NFIX: variants seen among roughly 807,000 people sequenced by gnomAD.
The protein encoded by NFIX is nuclear factor 1 X-type.
NFIX carries 2 observed loss-of-function variants against 53.3 expected under a neutral mutation model. The ratio of observed to expected loss-of-function variants is 0.04; its 90% confidence interval spans 0.02 to 0.12. The LOEUF (loss-of-function observed/expected upper bound fraction) is 0.12, where lower values mean the gene tolerates loss of function less well. Ranked by LOEUF, NFIX falls within the 10% of genes least tolerant of loss-of-function variation. The probability of loss-of-function intolerance (pLI) is 1.00; values close to 1 mark genes in which losing one functional copy is unlikely to be tolerated. For synonymous variants in NFIX, 244 were observed against 289.0 expected, an observed-to-expected ratio of 0.84 and a Z score of 1.58; for missense variants, 310 against 674.5, an observed-to-expected ratio of 0.46 and a Z score of 5.99.
intron 8 of NFIX, among the ~76,000 whole-genome samples, chr19:13,087,338 C>T (rs1310658250): frequency 6.6e-6 from 1 of 152,178 alleles, no homozygotes; most frequent in African/African-American, 2.4e-5. Flanking sequence ...TGAAGAACCT[C>T]ACGGGCACTA....
chr19:13,094,894 C>T lies in NFIX; in HGVS notation c.*245C>T, dbSNP rs2018346808. ...GTGGAGCTGTGCACCAGCAGCCAAG[C>T]AGAAAGAAACACGCGACATGGACTC... On this transcript the variant is annotated 3_prime_UTR_variant, in exon 11 of 11. Transcript: ENST00000592199. The surrounding 1 kb of genome is among the most constrained non-coding windows in gnomAD (Gnocchi z 4.3). 3.8e-6 allele frequency: 2 copies of T among 525,942 alleles called. No homozygotes were observed. Among genetic ancestry groups the T allele is most frequent in the South Asian group, 2.4e-5 (1 of 41,376 alleles). 32.6% of individuals were successfully genotyped at this position (525,942 alleles called of 1,614,324 possible). A position where few individuals can be genotyped will look rare whatever the true frequency, so the allele number is the denominator to read the frequency against.
chr19:13,095,405 A>G lies in NFIX; in HGVS notation c.*756A>G, dbSNP rs1805204690. 1 of 151,900 alleles carries G rather than the reference A, an allele frequency of 6.6e-6. No homozygotes were observed. The highest frequency in any genetic ancestry group is 2.4e-5 in the African/African-American group (1 of 41,312). 9.4% of individuals were successfully genotyped at this position (151,900 alleles called of 1,614,324 possible). Reference sequence around the variant, plus strand: ...CGCAAGAGCAGTCCTGGGGCCCTGGACCCCTCTGTACAGTCCGTAGGAAAA... The same window carrying G: ...CGCAAGAGCAGTCCTGGGGCCCTGGGCCCCTCTGTACAGTCCGTAGGAAAA... On this transcript the variant is annotated 3_prime_UTR_variant, in exon 11 of 11. Transcript: ENST00000592199.
chr19:13,002,963 G>A lies in NFIX; in HGVS notation c.27+7099G>A, dbSNP rs775851669. ...CACCTGAATCTGTGTGAGCCAAGCT[G>A]GAGGAAAGGACAGCATGGAGGTGCA... On this transcript the variant is annotated intron_variant, in intron 1 of 10. Coordinates refer to ENST00000592199, the MANE Select transcript of NFIX (RefSeq NM_001365902.3). The surrounding 1 kb of genome is among the most constrained non-coding windows in gnomAD (Gnocchi z 6.1). 2.0e-5 allele frequency among the ~76,000 whole-genome samples: 3 copies of A among 152,170 alleles called. No individual in the cohort carries two copies. The highest frequency in any genetic ancestry group is 2.9e-5 in the Non-Finnish European group (2 of 68,024).
At chr19:13,085,090 A>T (rs2017698826) in intron 8 of NFIX, among the ~76,000 whole-genome samples, 2 of 151,574 alleles carry the variant, frequency 1.3e-5, no homozygotes, top group Non-Finnish European at 2.9e-5. Flanking sequence ...AAAAAAAAAA[A>T]ATTGAGGAGC....
At position 13,018,545 on chromosome 19, in the gene NFIX, C is replaced by G. The variant is rs1294140347; in HGVS notation, c.28-6476C>G. The stretch of plus-strand genomic sequence containing the variant: ...ACCCGCTTTGTCCAAATTATCCGAG[C>G]TCCCTCGCAAAGTGCATTTTCCGGT... On this transcript the variant is annotated intron_variant, in intron 1 of 10. Coordinates refer to ENST00000592199, the MANE Select transcript of NFIX (RefSeq NM_001365902.3). Among the ~76,000 whole-genome samples, 3 of 152,352 alleles carry G rather than the reference C, an allele frequency of 2.0e-5. No individual in the cohort carries two copies. The East Asian group carries it at 5.8e-4, about 29-fold the overall frequency.
At chr19:13,023,322 T>C (rs1395466790) in intron 1 of NFIX, among the ~76,000 whole-genome samples, 5 of 149,142 alleles carry the variant, frequency 3.4e-5, no homozygotes, top group Admixed American at 3.3e-4. Context: ...CCCCCCCTTC[T>C]TCCTTTCCTC....
chr19:13,032,344 T>C (rs1018627800), intron 2 of NFIX, among the ~76,000 whole-genome samples: 1 of 152,066 alleles, frequency 6.6e-6, no homozygotes, highest in Non-Finnish European at 1.5e-5. Context: ...AATATAGTTA[T>C]TGATTCATCC....
rs1257082504 is a variant in NFIX at position 13,088,954 on chromosome 19, A to G, written c.1402+818A>G. 7.4e-6 allele frequency among the ~76,000 whole-genome samples: 1 copy of G among 135,452 alleles called. No homozygotes were observed. Among genetic ancestry groups the G allele is most frequent in the Non-Finnish European group, 1.6e-5 (1 of 63,468 alleles). The allele number at this position is 135,452 out of a possible 152,430, so 88.9% of individuals were successfully genotyped here. A position where few individuals can be genotyped will look rare whatever the true frequency, so the allele number is the denominator to read the frequency against. On this transcript the variant is annotated intron_variant, in intron 9 of 10. Coordinates refer to ENST00000592199, the MANE Select transcript of NFIX (RefSeq NM_001365902.3). The surrounding 1 kb of genome is among the most constrained non-coding windows in gnomAD (Gnocchi z 5.9). Reference sequence around the variant, plus strand: ...TAGACCCGGCGTGAAGGACAGGAGGATGGGGCGGGTGCTGTCTGTGGGCCA... The same window carrying G: ...TAGACCCGGCGTGAAGGACAGGAGGGTGGGGCGGGTGCTGTCTGTGGGCCA...
In NFIX at chr19:13,006,730, A is replaced by G. The variant is rs754022251; in HGVS notation, c.27+10866A>G. Among the ~76,000 whole-genome samples, 8 of 150,858 alleles carry G rather than the reference A, an allele frequency of 5.3e-5. No homozygotes were observed. Among genetic ancestry groups the G allele is most frequent in the Non-Finnish European group, 1.0e-4 (7 of 67,732 alleles). On this transcript the variant is annotated intron_variant, in intron 1 of 10. Coordinates refer to ENST00000592199, the MANE Select transcript of NFIX (RefSeq NM_001365902.3). This position sits in a 1 kb window ranked among gnomAD's most constrained non-coding sequence, Gnocchi z 5.6. ...CAGGCTTTGTCTGTTGGGTTCCCCA[A>G]CTCCCACCAGGGCCCCAGATTCTCT...
rs1346200430 is a variant in NFIX, at chr19:13,081,233, AG to A, written c.1079-445del. Among the ~76,000 whole-genome samples the A allele has an allele frequency of 1.3e-5, 2 of 150,888 alleles. No homozygotes were observed. The highest frequency in any genetic ancestry group is 4.9e-5 in the African/African-American group (2 of 40,874). On this transcript the variant is annotated intron_variant, in intron 7 of 10. Coordinates refer to ENST00000592199, the MANE Select transcript of NFIX (RefSeq NM_001365902.3). This position sits in a 1 kb window ranked among gnomAD's most constrained non-coding sequence, Gnocchi z 4.7. ...GGTGGGAGGATTGCATGAGCCCAGGAGGATTGCTTGCCGTGATCCGTGTTTG... is the reference window on the plus strand; with the variant it reads ...GGTGGGAGGATTGCATGAGCCCAGGAGATTGCTTGCCGTGATCCGTGTTTG...
In NFIX at chr19:13,072,648, T is replaced by C. The variant is rs2016838009; in HGVS notation, c.560-399T>C. Among the ~76,000 whole-genome samples the C allele has an allele frequency of 6.6e-6, 1 of 152,228 alleles. No homozygotes were observed. Among genetic ancestry groups the C allele is most frequent in the African/African-American group, 2.4e-5 (1 of 41,444 alleles). On this transcript the variant is annotated intron_variant, in intron 2 of 10. Coordinates refer to ENST00000592199, the MANE Select transcript of NFIX (RefSeq NM_001365902.3). The surrounding 1 kb of genome is among the most constrained non-coding windows in gnomAD (Gnocchi z 4.0). ...GCTCCTGACTCTTGGCCGGTGCTTC[T>C]TACCTGAGGGTGACTTTGCCCTTAA... is the stretch of plus-strand genomic sequence containing the variant.
intron 2 of NFIX, among the ~76,000 whole-genome samples, chr19:13,055,690 G>C (rs1313644232): frequency 6.6e-6 from 1 of 152,188 alleles, no homozygotes; most frequent in African/African-American, 2.4e-5. Flanking sequence ...TGAGGAAGAA[G>C]GGGGCGGGGG....
chr19:13,092,217 A>G (rs2018187174), intron 10 of NFIX, among the ~76,000 whole-genome samples: 1 of 152,228 alleles, frequency 6.6e-6, no homozygotes, highest in Non-Finnish European at 1.5e-5. Flanking sequence ...AGAATGAGGG[A>G]AGAAAAGAGA....
At chr19:13,044,185 G>T (rs1475924220) in intron 2 of NFIX, among the ~76,000 whole-genome samples, 1 of 152,194 alleles carries the variant, frequency 6.6e-6, no homozygotes, top group Non-Finnish European at 1.5e-5. Flanking sequence ...TTGAATTGCA[G>T]CAGTGGATGT....
In NFIX at chr19:13,011,583, C is replaced by G. The variant is rs1234433134; in HGVS notation, c.28-13438C>G. Among the ~76,000 whole-genome samples, 1 of 152,116 alleles carries G rather than the reference C, an allele frequency of 6.6e-6. No individual in the cohort carries two copies. Among genetic ancestry groups the G allele is most frequent in the Non-Finnish European group, 1.5e-5 (1 of 68,014 alleles). On this transcript the variant is annotated intron_variant, in intron 1 of 10. Transcript: ENST00000592199. This position sits in a 1 kb window ranked among gnomAD's most constrained non-coding sequence, Gnocchi z 6.5. ...CTCCCCAGACGCTCCACTGCCCAAT[C>G]ATAGCTCTTTGATATCCCAGCCCGG... is the stretch of plus-strand genomic sequence containing the variant.
At position 13,060,904 on chromosome 19, in the gene NFIX, A is replaced by C. The variant is rs2016035252; in HGVS notation, c.560-12143A>C. On this transcript the variant is annotated intron_variant, in intron 2 of 10. Transcript: ENST00000592199. This position sits in a 1 kb window ranked among gnomAD's most constrained non-coding sequence, Gnocchi z 4.3. ...TTTTTTTTCTTCCTGACTTTTCTCC[A>C]TTTCTGTCTCTGGTTCCTGATCTCT... 6.6e-6 allele frequency among the ~76,000 whole-genome samples: 1 copy of C among 150,608 alleles called. No individual in the cohort carries two copies. The highest frequency in any genetic ancestry group is 1.5e-5 in the Non-Finnish European group (1 of 67,676).
At position 12,998,664 on chromosome 19, in the gene NFIX, C is replaced by A. The variant is rs1224531362; in HGVS notation, c.27+2800C>A. Among the ~76,000 whole-genome samples, 1 of 152,104 alleles carries A rather than the reference C, an allele frequency of 6.6e-6. No homozygotes were observed. The highest frequency in any genetic ancestry group is 1.9e-4 in the East Asian group (1 of 5,194). On this transcript the variant is annotated intron_variant, in intron 1 of 10. Transcript: ENST00000592199. The surrounding 1 kb of genome is among the most constrained non-coding windows in gnomAD (Gnocchi z 4.4). ...AACCAGGATGTGAACTCACGTACAC[C>A]ACCATCACCGCCAAGATGGGGATGT...
rs944220825 is a variant in NFIX, at chr19:13,073,774, C to T, written c.698-132C>T. On this transcript the variant is annotated intron_variant, in intron 4 of 10. Coordinates refer to ENST00000592199, the MANE Select transcript of NFIX (RefSeq NM_001365902.3). This position sits in a 1 kb window ranked among gnomAD's most constrained non-coding sequence, Gnocchi z 4.5. ...GGAGGTTCCTCAGCAGCCCAGATGG[C>T]CCACTTTCTCCCATCTCCTGGCCCC... The T allele has an allele frequency of 2.3e-5, 29 of 1,243,924 alleles. No homozygotes were observed. The African/African-American group carries it at 4.0e-4, about 17-fold the overall frequency. The allele number at this position is 1,243,924 out of a possible 1,614,324, so 77.1% of individuals were successfully genotyped here. A position where few individuals can be genotyped will look rare whatever the true frequency, so the allele number is the denominator to read the frequency against.
In NFIX at chr19:13,068,903, G is replaced by A. The variant is rs887709652; in HGVS notation, c.560-4144G>A. On this transcript the variant is annotated intron_variant, in intron 2 of 10. Coordinates refer to ENST00000592199, the MANE Select transcript of NFIX (RefSeq NM_001365902.3). The surrounding 1 kb of genome is among the most constrained non-coding windows in gnomAD (Gnocchi z 4.2). Reference sequence around the variant, plus strand: ...CAGCCTGACACCCCCAAACAGCATCGAGAATGAGCTGTGGGCTCTGAGATA... The same window carrying A: ...CAGCCTGACACCCCCAAACAGCATCAAGAATGAGCTGTGGGCTCTGAGATA... Among the ~76,000 whole-genome samples the A allele has an allele frequency of 6.6e-6, 1 of 152,216 alleles. No homozygotes were observed. Among genetic ancestry groups the A allele is most frequent in the African/African-American group, 2.4e-5 (1 of 41,462 alleles).
Sources: gnomAD v4.1 joint callset for allele counts (sites outside exome capture counted in the v4.1 genomes callset) on GRCh38, gnomAD v4.1.1 for gene constraint, Gnocchi (gnomAD v3.1) non-coding constraint, MANE v1.5 for transcripts, NCBI Gene and HGNC (gene_info 2026-07-23, HGNC 2026-07-21) for gene names.